SUGCT: variants seen among roughly 807,000 people sequenced by gnomAD.
SUGCT encodes the protein succinyl-CoA:glutarate CoA-transferase.
Under a neutral mutation model 55.0 loss-of-function variants are expected in SUGCT, and 41 were observed. That is an observed-to-expected ratio of 0.74 (90% CI 0.58 to 0.97). The LOEUF (loss-of-function observed/expected upper bound fraction) is 0.97. Ranked by LOEUF, SUGCT falls within the 50% of genes least tolerant of loss-of-function variation. The pLI is 0.00. For synonymous variants in SUGCT, 187 were observed against 200.4 expected (o/e 0.93, Z 0.56); for missense variants, 568 against 547.8 (o/e 1.04, Z -0.37).
the SUGCT span, among the ~76,000 whole-genome samples, chr7:41,015,638 G>A: frequency 2.0e-5 from 3 of 152,052 alleles, no homozygotes; most frequent in Admixed American, 2.0e-4. Context: ...AATGGTAACG[G>A]GCATCAGGCT....
chr7:40,686,323 T>G (rs867422533), intron 12 of SUGCT, among the ~76,000 whole-genome samples: 3 of 152,202 alleles, frequency 2.0e-5, no homozygotes, highest in Non-Finnish European at 4.4e-5. Flanking sequence ...TACTTTACTT[T>G]CCTTACTGAA....
intron 13 of SUGCT, among the ~76,000 whole-genome samples, chr7:40,850,556 T>C (rs1793800433): frequency 6.6e-6 from 1 of 152,326 alleles, no homozygotes; most frequent in Non-Finnish European, 1.5e-5. Flanking sequence ...TATGTACTTA[T>C]AAAGAGTGTG....
At chr7:40,383,810 G>A (rs1784985748) in intron 9 of SUGCT, among the ~76,000 whole-genome samples, 1 of 152,182 alleles carries the variant, frequency 6.6e-6, no homozygotes, top group African/African-American at 2.4e-5. Context: ...CAGGGCATCA[G>A]CAGGTAGTTC....
At chr7:40,430,578 A>G (rs954810390) in intron 9 of SUGCT, among the ~76,000 whole-genome samples, 3 of 152,100 alleles carry the variant, frequency 2.0e-5, no homozygotes, top group Non-Finnish European at 4.4e-5. Flanking sequence ...TATCAGATAT[A>G]TGTTTTGCAT....
the SUGCT span, among the ~76,000 whole-genome samples, chr7:40,898,170 C>G: frequency 6.7e-6 from 1 of 149,140 alleles, no homozygotes; most frequent in Non-Finnish European, 1.5e-5. Context: ...GAACTTAAGT[C>G]GGGAGGACTG....
chr7:40,181,312 A>G (rs1347895564), intron 2 of SUGCT, among the ~76,000 whole-genome samples: 1 of 152,226 alleles, frequency 6.6e-6, no homozygotes, highest in Non-Finnish European at 1.5e-5. Context: ...ATTCAACAAA[A>G]AAGTGAAATA....
chr7:40,299,707 C>G (rs985622947), intron 8 of SUGCT, among the ~76,000 whole-genome samples: 2 of 151,880 alleles, frequency 1.3e-5, no homozygotes. Context: ...TAATCTCTGA[C>G]AGTAAACTGA....
intron 13 of SUGCT, among the ~76,000 whole-genome samples, chr7:40,825,535 C>G (rs1210245974): frequency 1.3e-5 from 2 of 152,092 alleles, no homozygotes; most frequent in Non-Finnish European, 2.9e-5. Flanking sequence ...TTAACGTATT[C>G]CATGAAATAA....
chr7:40,820,738 C>T (rs2128766629), intron 13 of SUGCT, among the ~76,000 whole-genome samples: 1 of 152,248 alleles, frequency 6.6e-6, no homozygotes, highest in East Asian at 1.9e-4. Context: ...TCCTCTTTTC[C>T]TAACTGAATA....
intron 12 of SUGCT, chr7:40,538,081 A>C (rs1164697614): frequency 6.6e-6 from 1 of 152,146 alleles, no homozygotes; most frequent in Non-Finnish European, 1.5e-5. Flanking sequence ...AGCAATTAAC[A>C]TTATTATTTG....
chr7:40,683,531 T>A (rs2151889001), intron 12 of SUGCT, among the ~76,000 whole-genome samples: 1 of 152,358 alleles, frequency 6.6e-6, no homozygotes, highest in South Asian at 2.1e-4. Flanking sequence ...GAAATTTGGT[T>A]GTTTGAAGTT....
the SUGCT span, among the ~76,000 whole-genome samples, chr7:40,881,293 C>T: frequency 5.3e-5 from 8 of 152,198 alleles, no homozygotes; most frequent in Non-Finnish European, 8.8e-5. Context: ...CTACATTCCC[C>T]GGTGTGCTAA....
intron 8 of SUGCT, among the ~76,000 whole-genome samples, chr7:40,289,697 A>G (rs1793605149): frequency 6.6e-6 from 1 of 152,184 alleles, no homozygotes; most frequent in African/African-American, 2.4e-5. Context: ...TTCAATTAAG[A>G]AAAGAGGAAG....
intron 9 of SUGCT, among the ~76,000 whole-genome samples, chr7:40,430,060 CTTTA>C (rs1488189220): frequency 3.9e-5 from 6 of 152,080 alleles, no homozygotes; most frequent in African/African-American, 1.4e-4. Context: ...ACTACCATTT[CTTTA>C]TTTATCGATG....
intron 13 of SUGCT, among the ~76,000 whole-genome samples, chr7:40,752,842 A>C (rs1160566237): frequency 6.6e-6 from 1 of 152,216 alleles, no homozygotes; most frequent in Middle Eastern, 3.4e-3. Flanking sequence ...TTTTTGTTTT[A>C]ATCTCCCTTT....
intron 12 of SUGCT, among the ~76,000 whole-genome samples, chr7:40,504,344 T>A (rs1159811018): frequency 6.6e-6 from 1 of 152,206 alleles, no homozygotes; most frequent in Non-Finnish European, 1.5e-5. Flanking sequence ...GAGATCTCAC[T>A]ATGTTGCCCA....
At chr7:40,734,074 G>C (rs561898444) in intron 12 of SUGCT, among the ~76,000 whole-genome samples, 3 of 152,290 alleles carry the variant, frequency 2.0e-5, no homozygotes, top group African/African-American at 7.2e-5. Context: ...CGATCCCAAA[G>C]GAGATTTAAT....
intron 9 of SUGCT, among the ~76,000 whole-genome samples, chr7:40,378,150 T>C (rs560401650): frequency 2.0e-5 from 3 of 152,204 alleles, no homozygotes; most frequent in South Asian, 2.1e-4. Context: ...CATTTGGCTG[T>C]TACCTTAAAT....
chr7:40,145,509 CTTTT>C (rs35917913), intron 1 of SUGCT, among the ~76,000 whole-genome samples: 2 of 145,022 alleles, frequency 1.4e-5, no homozygotes, highest in East Asian at 2.0e-4. Flanking sequence ...CTCCTCCCCA[CTTTT>C]TTTTTTTTTT....
Sources: gnomAD v4.1 joint callset for allele counts (sites outside exome capture counted in the v4.1 genomes callset) on GRCh38, gnomAD v4.1.1 for gene constraint, MANE v1.5 for transcripts, NCBI Gene and HGNC (gene_info 2026-07-23, HGNC 2026-07-21) for gene names.